Variants in SH3GLB1 observed in about 807,000 individuals in gnomAD.
SH3GLB1 encodes the protein SH3 domain containing GRB2 like, endophilin B1.
SH3GLB1 carries 17 observed loss-of-function variants against 42.0 expected under a neutral mutation model. The observed-to-expected ratio is 0.40, with a 90% CI of 0.28 to 0.61. The LOEUF is 0.61. Among genes scored for constraint, SH3GLB1 ranks in the 20% least tolerant of loss-of-function variants. The probability of loss-of-function intolerance (pLI) is 0.36; values close to 1 mark genes in which losing one functional copy is unlikely to be tolerated. For missense variants in SH3GLB1, 355 were observed against 426.3 expected (o/e 0.83, Z 1.47); for synonymous variants, 132 against 146.6 (o/e 0.90, Z 0.72).
Position 86,724,896 on chromosome 1 carries a change from T to A in SH3GLB1, c.570+491T>A, listed in dbSNP as rs377195848. Reference sequence around the variant, plus strand: ...CTTTAAAAAAAAAAAAAAAAAAATATATATATATATATATATAAAATATAT... The same window carrying A: ...CTTTAAAAAAAAAAAAAAAAAAATAAATATATATATATATATAAAATATAT... On this transcript the variant is annotated intron_variant, in intron 5 of 8. Transcript: ENST00000370558. Among the ~76,000 whole-genome samples the A allele has an allele frequency of 5.3e-3, 626 of 118,288 alleles. 6 individuals carry two copies. Among genetic ancestry groups the A allele is most frequent in the Non-Finnish European group, 9.4e-3 (545 of 57,974 alleles). 77.6% of individuals were successfully genotyped at this position (118,288 alleles called of 152,430 possible).
intron 7 of SH3GLB1, among the ~76,000 whole-genome samples, chr1:86,741,676 G>T (rs999284072): frequency 1.3e-5 from 2 of 152,042 alleles, no homozygotes; most frequent in Non-Finnish European, 2.9e-5. Context: ...GCTTCTCATA[G>T]TCATGCTGAA....
rs779312362 is a variant in SH3GLB1 at position 86,715,812 on chromosome 1, T to C, written c.161T>C (p.Ile54Thr). The C allele has an allele frequency of 6.2e-7, 1 of 1,611,980 alleles. No homozygotes were observed. Among genetic ancestry groups the C allele is most frequent in the African/African-American group, 1.3e-5 (1 of 74,892 alleles). Reference protein sequence around the residue: ...NLLSKAECTKIWTEKIMKQTE... With the variant: ...NLLSKAECTKTWTEKIMKQTE... The stretch of plus-strand genomic sequence containing the variant: ...CTTAGCAAAGCTGAATGTACCAAAA[T>C]ATGGACAGAAAAAATAATGAAACAA... Residue 54 changes from isoleucine to threonine, a missense_variant, in exon 2 of 9, where the codon ATA (isoleucine) becomes ACA (threonine). Transcript: ENST00000370558.
At chr1:86,724,999 TACAC>T (rs374835487) in intron 5 of SH3GLB1, among the ~76,000 whole-genome samples, 97 of 146,308 alleles carry the variant, frequency 6.6e-4, no homozygotes, top group Middle Eastern at 7.2e-3. Flanking sequence ...TGTGTGTATA[TACAC>T]ACACACACGT....
Position 86,728,535 on chromosome 1 carries a change from C to G in SH3GLB1, c.570+4130C>G, listed in dbSNP as rs539710055. 8.7e-6 allele frequency: 10 copies of G among 1,153,150 alleles called. No homozygotes were observed. In the South Asian group the frequency reaches 1.4e-4, roughly 16 times the overall value. 71.4% of individuals were successfully genotyped at this position (1,153,150 alleles called of 1,614,324 possible). A position where few individuals can be genotyped will look rare whatever the true frequency, so the allele number is the denominator to read the frequency against. ...TTCTACATCTTGAATAAAGTGCCTT[C>G]TCTTGCTATTAGCCGCTTGTAAAAT... On this transcript the variant is annotated intron_variant, in intron 5 of 8. Transcript: ENST00000370558.
At chr1:86,705,331 C>T (rs1653788364) in intron 1 of SH3GLB1, among the ~76,000 whole-genome samples, 1 of 152,180 alleles carries the variant, frequency 6.6e-6, no homozygotes, top group South Asian at 2.1e-4. Flanking sequence ...TTGCGGTAAC[C>T]GAGACACAGG....
chr1:86,741,093 AAAAC>A (rs375667771), intron 7 of SH3GLB1, among the ~76,000 whole-genome samples: 60 of 152,316 alleles, frequency 3.9e-4, no homozygotes, highest in African/African-American at 1.4e-3. Context: ...AAAGAGTCTA[AAAAC>A]AGTGATGAAG....
chr1:86,728,927 G>A (rs1438740258), intron 5 of SH3GLB1, among the ~76,000 whole-genome samples: 4 of 152,044 alleles, frequency 2.6e-5, no homozygotes, highest in African/African-American at 9.7e-5. Context: ...GCCATTTCAG[G>A]CCAAGACAGA....
In SH3GLB1 at chr1:86,734,658, C is replaced by T. The variant is rs752663729; in HGVS notation, c.627C>T (p.Thr209=). ...AATTTGATCGTCAAGCAGAGATTAC[C>T]AGACTTCTGCTAGAGGGAATCAGCA... ...QSEFDRQAEI[T]RLLLEGISST... is the part of the protein sequence containing the mutation. Residue 209 remains threonine (T), a synonymous_variant, in exon 6 of 9, where the codon ACC becomes ACT. Coordinates refer to ENST00000370558, the MANE Select transcript of SH3GLB1 (RefSeq NM_016009.5). 1.9e-6 allele frequency: 3 copies of T among 1,613,018 alleles called. No individual in the cohort carries two copies. The East Asian group carries it at 6.7e-5, about 36-fold the overall frequency.
intron 5 of SH3GLB1, among the ~76,000 whole-genome samples, chr1:86,727,052 C>A (rs1434504970): frequency 3.3e-5 from 5 of 151,892 alleles, no homozygotes; most frequent in Non-Finnish European, 7.4e-5. Flanking sequence ...TTACTAGTTT[C>A]TTGTGACTCT....
intron 3 of SH3GLB1, among the ~76,000 whole-genome samples, chr1:86,720,016 A>C (rs945020220): frequency 6.6e-6 from 1 of 151,658 alleles, no homozygotes; most frequent in Admixed American, 6.6e-5. Flanking sequence ...AAAAAAAAAA[A>C]ACATAGTAGT....
At chr1:86,720,220 A>G (rs1235835876) in intron 3 of SH3GLB1, among the ~76,000 whole-genome samples, 1 of 152,086 alleles carries the variant, frequency 6.6e-6, no homozygotes, top group Non-Finnish European at 1.5e-5. Flanking sequence ...TACAATACCT[A>G]TGTTATAATA....
intron 4 of SH3GLB1, among the ~76,000 whole-genome samples, 162 bp from the exon 5 acceptor site, chr1:86,724,151 G>GA (rs1276816765): frequency 1.4e-5 from 2 of 147,436 alleles, no homozygotes; most frequent in African/African-American, 4.9e-5. Context: ...AAGGGGGTGG[G>GA]GGGGGGCAGA....
chr1:86,730,675 A>T (rs1655459635), intron 5 of SH3GLB1, among the ~76,000 whole-genome samples: 3 of 151,402 alleles, frequency 2.0e-5, no homozygotes, highest in Admixed American at 2.0e-4. Context: ...AATTTTTTGT[A>T]TGTTTAGTAG....
intron 7 of SH3GLB1, among the ~76,000 whole-genome samples, chr1:86,736,957 A>G (rs1655809655): frequency 6.6e-6 from 1 of 152,232 alleles, no homozygotes; most frequent in Non-Finnish European, 1.5e-5. Flanking sequence ...ACCAGATTGT[A>G]TTGTTAATAG....
chr1:86,711,819 G>A (rs1654228272), intron 1 of SH3GLB1, among the ~76,000 whole-genome samples: 1 of 151,994 alleles, frequency 6.6e-6, no homozygotes, highest in Admixed American at 6.6e-5. Flanking sequence ...AGTCAAGGCA[G>A]TATTCTCCTA....
At chr1:86,718,048 T>G (rs1487227932) in intron 2 of SH3GLB1, among the ~76,000 whole-genome samples, 1 of 151,856 alleles carries the variant, frequency 6.6e-6, no homozygotes, top group Non-Finnish European at 1.5e-5. Context: ...AGCTGTTTTT[T>G]TTTTTTTTTG....
intron 5 of SH3GLB1, among the ~76,000 whole-genome samples, chr1:86,724,892 A>AATATATATATAT (rs58927851): frequency 3.0e-5 from 3 of 99,700 alleles, no homozygotes; most frequent in African/African-American, 1.6e-4. Flanking sequence ...AAAAAAAAAA[A>AATATATATATAT]ATATATATAT....
rs777991244 is a variant in SH3GLB1, at chr1:86,744,207, CACAT to C, written c.*975_*978del. 1 of 152,188 alleles carries C rather than the reference CACAT, an allele frequency of 6.6e-6. No individual in the cohort carries two copies. Among genetic ancestry groups the C allele is most frequent in the East Asian group, 1.9e-4 (1 of 5,204 alleles). The allele number at this position is 152,188 out of a possible 1,614,324, so 9.4% of individuals were successfully genotyped here. Reference sequence around the variant, plus strand: ...TTGATGAGGATCTCTGCTTATGAAACACATACTAATGAAATTATTAGTGACACAT... The same window carrying C: ...TTGATGAGGATCTCTGCTTATGAAACACTAATGAAATTATTAGTGACACAT... On this transcript the variant is annotated 3_prime_UTR_variant, in exon 9 of 9. Transcript: ENST00000370558.
At chr1:86,734,974 T>C (rs1362013269) in intron 6 of SH3GLB1, 105 bp from the exon 7 acceptor site, 1 of 805,254 alleles carries the variant, frequency 1.2e-6, no homozygotes, top group East Asian at 2.4e-5. Flanking sequence ...AAATGTTAGA[T>C]ACTGGTGAGT....
Sources: gnomAD v4.1 joint callset for allele counts (sites outside exome capture counted in the v4.1 genomes callset) on GRCh38, gnomAD v4.1.1 for gene constraint, MANE v1.5 for transcripts, NCBI Gene and HGNC (gene_info 2026-07-23, HGNC 2026-07-21) for gene names.